ATXN7L1: variants seen among roughly 807,000 people sequenced by gnomAD.
ATXN7L1 encodes the protein ataxin-7-like protein 1.
In ATXN7L1, 15 loss-of-function variants were observed where a neutral mutation model predicts 70.8. The ratio of observed to expected loss-of-function variants is 0.21; its 90% confidence interval spans 0.14 to 0.33. The LOEUF (loss-of-function observed/expected upper bound fraction) is 0.33, where lower values mean the gene tolerates loss of function less well. ATXN7L1 is among the 10% of genes least tolerant of loss of function. The pLI, the probability that ATXN7L1 is intolerant of heterozygous loss-of-function variation, is 1.00. For missense variants in ATXN7L1, 975 were observed against 1,097.1 expected, an observed-to-expected ratio of 0.89 and a Z score of 1.57; for synonymous variants, 440 against 445.1, an observed-to-expected ratio of 0.99 and a Z score of 0.14.
intron 3 of ATXN7L1, among the ~76,000 whole-genome samples, chr7:105,780,854 C>A (rs1338159034): frequency 6.6e-6 from 1 of 152,190 alleles, no homozygotes; most frequent in East Asian, 1.9e-4. Context: ...CAACTTTCTA[C>A]ATGCGGCTGT....
At chr7:105,729,034 T>C (rs1796221803) in intron 3 of ATXN7L1, among the ~76,000 whole-genome samples, 1 of 151,974 alleles carries the variant, frequency 6.6e-6, no homozygotes, top group Admixed American at 6.6e-5. Flanking sequence ...GAGGCCGAGA[T>C]GGAAGGATTG....
chr7:105,797,670 A>G (rs946272000), intron 2 of ATXN7L1, among the ~76,000 whole-genome samples: 1 of 152,248 alleles, frequency 6.6e-6, no homozygotes. Context: ...GGCACACAGA[A>G]GGGATATAAA....
chr7:105,775,549 T>G (rs1482732552), intron 3 of ATXN7L1, among the ~76,000 whole-genome samples: 1 of 152,116 alleles, frequency 6.6e-6, no homozygotes, highest in Non-Finnish European at 1.5e-5. Context: ...AGAAAATTGA[T>G]GCAGAATGCT....
intron 2 of ATXN7L1, among the ~76,000 whole-genome samples, chr7:105,815,935 C>T (rs184637422): frequency 6.6e-6 from 1 of 152,296 alleles, no homozygotes; most frequent in East Asian, 1.9e-4. Flanking sequence ...ACAAAGCGGT[C>T]TTTTAAAGGC....
At chr7:105,698,495 G>T (rs1792028013) in intron 3 of ATXN7L1, among the ~76,000 whole-genome samples, 1 of 152,132 alleles carries the variant, frequency 6.6e-6, no homozygotes, top group Admixed American at 6.5e-5. Flanking sequence ...CTCCTGAGTA[G>T]CTGGGACCAC....
rs756989534 is a variant in ATXN7L1 at position 105,637,410 on chromosome 7, C to T, written c.1202+943G>A. ...ATGCATAAAAAACATCAGATAATAC[C>T]GTTATCTGCACTTCTCACTGAGTAT... is the stretch of plus-strand genomic sequence containing the variant. On this transcript the variant is annotated intron_variant, in intron 7 of 11. Coordinates refer to ENST00000419735, the MANE Select transcript of ATXN7L1 (RefSeq NM_020725.2). Among the ~76,000 whole-genome samples the T allele has an allele frequency of 3.9e-5, 6 of 152,160 alleles. No individual in the cohort carries two copies. In the South Asian group the frequency reaches 8.3e-4, roughly 21 times the overall value.
intron 3 of ATXN7L1, among the ~76,000 whole-genome samples, chr7:105,712,714 T>C (rs985607699): frequency 3.9e-5 from 6 of 152,178 alleles, no homozygotes; most frequent in African/African-American, 1.2e-4. Context: ...CTGGACTTCA[T>C]TGTCAACATC....
At chr7:105,861,268 T>G (rs1816596311) in intron 2 of ATXN7L1, among the ~76,000 whole-genome samples, 2 of 151,986 alleles carry the variant, frequency 1.3e-5, no homozygotes, top group African/African-American at 2.4e-5. Flanking sequence ...TGCTGAGAGG[T>G]TTTCACTTGA....
chr7:105,629,353 CAT>C (rs1796234285), intron 7 of ATXN7L1, among the ~76,000 whole-genome samples: 1 of 151,970 alleles, frequency 6.6e-6, no homozygotes, highest in Non-Finnish European at 1.5e-5. Context: ...TAACTGAAAT[CAT>C]ACAGTAGTTG....
chr7:105,734,520 T>A (rs1797162142), intron 3 of ATXN7L1, among the ~76,000 whole-genome samples: 1 of 152,170 alleles, frequency 6.6e-6, no homozygotes, highest in Admixed American at 6.5e-5. Context: ...CCATCAATAA[T>A]CTTTGGTAAA....
At chr7:105,802,388 AC>A (rs1051809192) in intron 2 of ATXN7L1, among the ~76,000 whole-genome samples, 3 of 151,920 alleles carry the variant, frequency 2.0e-5, no homozygotes, top group Admixed American at 6.6e-5. Flanking sequence ...CTGTTCAGAC[AC>A]CCCCAGCTGC....
chr7:105,652,435 G>A (rs557395860), intron 4 of ATXN7L1, among the ~76,000 whole-genome samples: 3 of 152,308 alleles, frequency 2.0e-5, no homozygotes, highest in African/African-American at 7.2e-5. Flanking sequence ...AGGGAGCGCT[G>A]GTGCAGGGTG....
Position 105,872,001 on chromosome 7 carries a change from T to G in ATXN7L1, c.250+3811A>C, listed in dbSNP as rs374679673. On this transcript the variant is annotated intron_variant, in intron 2 of 11. Coordinates refer to ENST00000419735, the MANE Select transcript of ATXN7L1 (RefSeq NM_020725.2). Reference sequence around the variant, plus strand: ...AGAGGTAGAAACCAAAATAATTTTTTTTTTTTTTTGAGCTGGAGTCTCGCT... The same window carrying G: ...AGAGGTAGAAACCAAAATAATTTTTGTTTTTTTTTGAGCTGGAGTCTCGCT... 7.8e-4 allele frequency among the ~76,000 whole-genome samples: 119 copies of G among 152,136 alleles called. 4 individuals carry two copies. In the South Asian group the frequency reaches 0.023, roughly 30 times the overall value.
At chr7:105,850,558 T>C (rs114917926) in intron 2 of ATXN7L1, among the ~76,000 whole-genome samples, 1,673 of 152,360 alleles carry the variant, frequency 0.011, 31 homozygotes, top group African/African-American at 0.038. Context: ...TGAGAGGTTA[T>C]AGGACTTTCC....
intron 2 of ATXN7L1, among the ~76,000 whole-genome samples, chr7:105,799,125 A>T (rs1336692389): frequency 6.6e-6 from 1 of 152,232 alleles, no homozygotes; most frequent in African/African-American, 2.4e-5. Context: ...TTGCAGGACT[A>T]CACTGGAAGA....
At chr7:105,847,606 G>C (rs1353496361) in intron 2 of ATXN7L1, among the ~76,000 whole-genome samples, 1 of 152,206 alleles carries the variant, frequency 6.6e-6, no homozygotes, top group Non-Finnish European at 1.5e-5. Context: ...AAGAGCTCAG[G>C]ACAGTAGAAA....
At chr7:105,825,118 G>A (rs1362753363) in intron 2 of ATXN7L1, among the ~76,000 whole-genome samples, 4 of 152,122 alleles carry the variant, frequency 2.6e-5, no homozygotes, top group South Asian at 2.1e-4. Flanking sequence ...TTAAAATCCC[G>A]AGAGAAAATT....
rs921008154 is a variant in ATXN7L1, at chr7:105,613,986, G to A, written c.2348C>T (p.Ser783Leu). Reference protein sequence around the residue: ...DKSEGKKRKNSSSSSKACKIT... With the variant: ...DKSEGKKRKNLSSSSKACKIT... Reference sequence around the variant, plus strand: ...TTTACAGGCTTTGCTACTAGAACTCGAGTTCTTACGCTTTTTTCCTTCTGA... The same window carrying A: ...TTTACAGGCTTTGCTACTAGAACTCAAGTTCTTACGCTTTTTTCCTTCTGA... Residue 783 changes from serine to leucine, a missense_variant, in exon 10 of 12, where the codon TCG (serine) becomes TTG (leucine). This residue lies in a region of ATXN7L1 where 635 missense variants were observed against 699.4 expected (regional missense o/e 0.91). Transcript: ENST00000419735. 13 of 1,552,098 alleles carry A rather than the reference G, an allele frequency of 8.4e-6. No homozygotes were observed. Among genetic ancestry groups the A allele is most frequent in the Non-Finnish European group, 1.1e-5 (13 of 1,147,126 alleles).
chr7:105,635,041 CCTT>C (rs1797157144), intron 7 of ATXN7L1, among the ~76,000 whole-genome samples: 1 of 152,172 alleles, frequency 6.6e-6, no homozygotes, highest in African/African-American at 2.4e-5. Context: ...GAATCTAAGA[CCTT>C]CTGCCTGTCT....
Sources: allele counts gnomAD v4.1 joint callset (sites outside exome capture counted in the v4.1 genomes callset), GRCh38; gene constraint gnomAD v4.1.1; regional missense constraint gnomAD v4.1.1; transcripts MANE v1.5; gene names NCBI Gene and HGNC (gene_info 2026-07-23, HGNC 2026-07-21).